Variants in PTPRM observed in about 807,000 individuals in gnomAD.
PTPRM encodes receptor-type tyrosine-protein phosphatase mu.
Under a neutral mutation model 186.7 loss-of-function variants are expected in PTPRM, and 47 were observed. The observed-to-expected ratio is 0.25, with a 90% CI of 0.20 to 0.32. The LOEUF is 0.32. PTPRM is among the 10% of genes least tolerant of loss of function. PTPRM has a pLI of 1.00. For missense variants in PTPRM, 1,494 were observed against 1,865.0 expected, an observed-to-expected ratio of 0.80 and a Z score of 3.66; for synonymous variants, 668 against 674.9, an observed-to-expected ratio of 0.99 and a Z score of 0.16.
intron 14 of PTPRM, among the ~76,000 whole-genome samples, chr18:8,159,170 T>A (rs2093180282): frequency 6.6e-6 from 1 of 150,724 alleles, no homozygotes; most frequent in African/African-American, 2.5e-5. Flanking sequence ...CTGTGTTGAT[T>A]GAGAAAGGAA....
At chr18:8,091,511 T>TG (rs1159586376) in intron 11 of PTPRM, among the ~76,000 whole-genome samples, 2 of 152,096 alleles carry the variant, frequency 1.3e-5, no homozygotes, top group Non-Finnish European at 2.9e-5. Flanking sequence ...ATTGGAAGGA[T>TG]GCCTATCTTA....
At chr18:7,954,291 C>T (rs1452037453) in intron 6 of PTPRM, among the ~76,000 whole-genome samples, 1 of 152,156 alleles carries the variant, frequency 6.6e-6, no homozygotes, top group African/African-American at 2.4e-5. Context: ...TCAAGCTGTG[C>T]ATGGTATGTT....
intron 2 of PTPRM, among the ~76,000 whole-genome samples, chr18:7,835,950 T>C (rs1254165234): frequency 6.6e-6 from 1 of 152,144 alleles, no homozygotes; most frequent in Non-Finnish European, 1.5e-5. Flanking sequence ...GCCTGGAATA[T>C]CTTTTTCCAT....
At chr18:8,327,873 GT>G (rs752085217) in intron 22 of PTPRM, among the ~76,000 whole-genome samples, 1 of 152,118 alleles carries the variant, frequency 6.6e-6, no homozygotes, top group Non-Finnish European at 1.5e-5. Flanking sequence ...CATATAATCA[GT>G]TTTGTCTGTA....
intron 20 of PTPRM, among the ~76,000 whole-genome samples, chr18:8,312,805 C>G (rs2095279405): frequency 6.6e-6 from 1 of 152,168 alleles, no homozygotes; most frequent in African/African-American, 2.4e-5. Flanking sequence ...TTCTCCTTCT[C>G]TGGCCCAGCT....
rs1192879023 is a variant in PTPRM at position 7,587,947 on chromosome 18, A to G, written c.73+20056A>G. ...TTGCATTTTGAGGAAAAAATTTTTA[A>G]ATGGTAAAAAGAAATGATATGACAG... On this transcript the variant is annotated intron_variant, in intron 1 of 32. Transcript: ENST00000580170. Among the ~76,000 whole-genome samples the G allele has an allele frequency of 7.2e-5, 11 of 152,160 alleles. No individual in the cohort carries two copies. In the East Asian group the frequency reaches 2.1e-3, roughly 29 times the overall value.
chr18:8,274,651 C>T (rs916575514), intron 19 of PTPRM, among the ~76,000 whole-genome samples: 28 of 152,152 alleles, frequency 1.8e-4, no homozygotes, highest in African/African-American at 5.6e-4. Flanking sequence ...ACCTATAAAC[C>T]CTTCCCATGA....
chr18:7,831,740 A>G (rs936415670), intron 2 of PTPRM, among the ~76,000 whole-genome samples: 3 of 152,082 alleles, frequency 2.0e-5, no homozygotes, highest in Admixed American at 1.3e-4. Flanking sequence ...TCCATTAACC[A>G]TCTCCACCTT....
chr18:8,171,074 G>A (rs997789520), intron 14 of PTPRM, among the ~76,000 whole-genome samples: 1 of 152,190 alleles, frequency 6.6e-6, no homozygotes, highest in African/African-American at 2.4e-5. Context: ...GGCTATAGGA[G>A]TAGCTAAAAA....
intron 13 of PTPRM, among the ~76,000 whole-genome samples, chr18:8,127,183 G>A (rs2092388856): frequency 6.6e-6 from 1 of 152,132 alleles, no homozygotes; most frequent in South Asian, 2.1e-4. Flanking sequence ...GTAAGTAGAT[G>A]TGAATAGAAG....
intron 3 of PTPRM, among the ~76,000 whole-genome samples, chr18:7,904,553 A>G (rs1807661274): frequency 6.6e-6 from 1 of 152,202 alleles, no homozygotes; most frequent in South Asian, 2.1e-4. Context: ...TTCACTCACC[A>G]TAGCTATCGG....
intron 7 of PTPRM, among the ~76,000 whole-genome samples, chr18:7,966,028 T>A (rs1320417116): frequency 6.6e-6 from 1 of 152,226 alleles, no homozygotes; most frequent in Non-Finnish European, 1.5e-5. Flanking sequence ...GAAAGATTGA[T>A]AATATGTCAA....
At chr18:8,016,199 T>A (rs528227632) in intron 7 of PTPRM, among the ~76,000 whole-genome samples, 105 of 152,224 alleles carry the variant, frequency 6.9e-4, no homozygotes, top group African/African-American at 2.4e-3. Context: ...ATATTTGACA[T>A]AAACATCATA....
At chr18:8,085,258 T>C (rs1340727516) in intron 9 of PTPRM, among the ~76,000 whole-genome samples, 2 of 152,068 alleles carry the variant, frequency 1.3e-5, no homozygotes, top group Non-Finnish European at 2.9e-5. Context: ...TCCCAATAGG[T>C]AATGATCCTA....
chr18:8,129,898 AG>A (rs1280486115), intron 13 of PTPRM, among the ~76,000 whole-genome samples: 4 of 152,216 alleles, frequency 2.6e-5, no homozygotes, highest in Admixed American at 2.6e-4. Context: ...GGGAGAAGTC[AG>A]GCTGGTGAAT....
In PTPRM at chr18:7,918,078, T is replaced by TTGTGTGTGTGTGTG. The variant is rs35838540; in HGVS notation, c.548-8476_548-8463dup. ...TATGAGATATTGTGTTCTTGTGTGT[T>TTGTGTGTGTGTGTG]TGTGTGTGTGTGTGTGTGTGTGTGT... On this transcript the variant is annotated intron_variant, in intron 4 of 32. Transcript: ENST00000580170. 1.8e-3 allele frequency among the ~76,000 whole-genome samples: 263 copies of TTGTGTGTGTGTGTG among 148,096 alleles called. 1 individual carries two copies. The highest frequency in any genetic ancestry group is 0.017 in the East Asian group (88 of 5,054).
At chr18:7,663,722 T>C (rs1048353781) in intron 1 of PTPRM, among the ~76,000 whole-genome samples, 1 of 152,072 alleles carries the variant, frequency 6.6e-6, no homozygotes, top group Non-Finnish European at 1.5e-5. Flanking sequence ...TAGAAAACAT[T>C]TTTCCTTTCT....
At chr18:8,325,939 G>A (rs557690192) in intron 22 of PTPRM, among the ~76,000 whole-genome samples, 2 of 152,258 alleles carry the variant, frequency 1.3e-5, no homozygotes, top group African/African-American at 4.8e-5. Context: ...GTGATGTTGA[G>A]CATTTTTTCA....
chr18:8,057,425 C>CTTTTTTTTTTTTTTTTTTTTTTGCTTTT (rs763829289), intron 7 of PTPRM, among the ~76,000 whole-genome samples: 1 of 102,562 alleles, frequency 9.8e-6, no homozygotes, highest in African/African-American at 4.3e-5. Context: ...TGTGATACTT[C>CTTTTTTTTTTTTTTTTTTTTTTGCTTTT]TTTTTTTTTT....
Sources: allele counts gnomAD v4.1 joint callset (sites outside exome capture counted in the v4.1 genomes callset), GRCh38; gene constraint gnomAD v4.1.1; transcripts MANE v1.5; gene names NCBI Gene and HGNC (gene_info 2026-07-23, HGNC 2026-07-21).